The following PRKG1 variants were observed in gnomAD, a reference collection of about 807,000 sequenced individuals.
PRKG1 encodes cGMP-dependent protein kinase 1.
Under a neutral mutation model 88.1 loss-of-function variants are expected in PRKG1, and 35 were observed. The observed-to-expected ratio is 0.40, with a 90% CI of 0.30 to 0.53. PRKG1 has a LOEUF of 0.53. Among genes scored for constraint, PRKG1 ranks in the 20% least tolerant of loss-of-function variants. The probability of loss-of-function intolerance (pLI) is 0.59; values close to 1 mark genes in which losing one functional copy is unlikely to be tolerated. For missense variants in PRKG1, 540 were observed against 839.8 expected (o/e 0.64, Z 4.41); for synonymous variants, 303 against 292.5 (o/e 1.04, Z -0.37).
At chr10:51,328,782 T>C (rs1841656734) in intron 2 of PRKG1, among the ~76,000 whole-genome samples, 1 of 152,228 alleles carries the variant, frequency 6.6e-6, no homozygotes, top group South Asian at 2.1e-4. Context: ...CATTTTTTAA[T>C]ATACCTGTTG....
chr10:51,234,731 T>C (rs922241948), intron 2 of PRKG1, among the ~76,000 whole-genome samples: 28 of 152,198 alleles, frequency 1.8e-4, no homozygotes, highest in African/African-American at 5.3e-4. Flanking sequence ...TTTGTATTTT[T>C]TTCCTCAATT....
At position 52,173,096 on chromosome 10, in the gene PRKG1, C is replaced by A. The variant is rs1015692805; in HGVS notation, c.1076+11133C>A. Among the ~76,000 whole-genome samples, 7 of 152,268 alleles carry A rather than the reference C, an allele frequency of 4.6e-5. No homozygotes were observed. In the South Asian group the frequency reaches 1.4e-3, roughly 32 times the overall value. On this transcript the variant is annotated intron_variant, in intron 9 of 17. Coordinates refer to ENST00000373980, the MANE Select transcript of PRKG1 (RefSeq NM_006258.4). ...TTTTCTAAATTTATAATGAGGATAT[C>A]TCTCACTGTCAACAGAAAATAGGCT...
chr10:51,883,368 G>A (rs1241413478), intron 4 of PRKG1, among the ~76,000 whole-genome samples: 3 of 152,164 alleles, frequency 2.0e-5, no homozygotes, highest in African/African-American at 7.2e-5. Flanking sequence ...CTCTCAGTCT[G>A]TATAGACAAA....
At chr10:51,960,831 G>T (rs1179828457) in intron 5 of PRKG1, among the ~76,000 whole-genome samples, 1 of 152,126 alleles carries the variant, frequency 6.6e-6, no homozygotes, top group Non-Finnish European at 1.5e-5. Flanking sequence ...TCGTGGTTCT[G>T]CCAACAAAGA....
At chr10:51,012,922 G>A (rs1843011207) in intron 1 of PRKG1, among the ~76,000 whole-genome samples, 1 of 152,184 alleles carries the variant, frequency 6.6e-6, no homozygotes, top group African/African-American at 2.4e-5. Context: ...TTCTAACATT[G>A]GGAAATCACT....
chr10:51,905,211 A>G (rs1349038961), intron 4 of PRKG1, among the ~76,000 whole-genome samples: 1 of 152,136 alleles, frequency 6.6e-6, no homozygotes, highest in African/African-American at 2.4e-5. Context: ...GCTGAAATAG[A>G]CTGCCTTCTG....
rs77809504 is a variant in PRKG1 at position 51,200,837 on chromosome 10, A to G, written c.478+47507A>G. Among the ~76,000 whole-genome samples, 484 of 152,306 alleles carry G rather than the reference A, an allele frequency of 3.2e-3. 4 individuals are homozygous for G. Among genetic ancestry groups the G allele is most frequent in the African/African-American group, 0.011 (457 of 41,578 alleles). ...ATGGGTTTAATATGCTGCCTACTGA[A>G]ATATCATTTGTTCTTTTATTAATCA... On this transcript the variant is annotated intron_variant, in intron 2 of 17. Coordinates refer to ENST00000373980, the MANE Select transcript of PRKG1 (RefSeq NM_006258.4).
At chr10:51,025,212 A>G (rs1843189352) in intron 1 of PRKG1, among the ~76,000 whole-genome samples, 1 of 152,094 alleles carries the variant, frequency 6.6e-6, no homozygotes, top group Non-Finnish European at 1.5e-5. Context: ...ACAATTTCCT[A>G]TATAGTGAAA....
At chr10:51,312,285 G>A (rs1005743028) in intron 2 of PRKG1, among the ~76,000 whole-genome samples, 20 of 152,254 alleles carry the variant, frequency 1.3e-4, no homozygotes, top group African/African-American at 4.8e-4. Context: ...TCATTCACTG[G>A]CATCTATGAT....
intron 5 of PRKG1, among the ~76,000 whole-genome samples, chr10:51,912,983 T>C (rs6480581): frequency 0.25 from 38,174 of 152,082 alleles, 5,143 homozygotes; most frequent in East Asian, 0.5. Context: ...GGCTGGAGTG[T>C]AGTGGTGCGA....
intron 2 of PRKG1, among the ~76,000 whole-genome samples, chr10:51,213,036 T>C (rs971604826): frequency 2.0e-5 from 3 of 152,148 alleles, no homozygotes; most frequent in African/African-American, 7.2e-5. Flanking sequence ...TGCGGCACTA[T>C]TCACAATAGC....
At position 51,697,807 on chromosome 10, in the gene PRKG1, C is replaced by T. The variant is rs375748098; in HGVS notation, c.593-106778C>T. 9 of 1,614,074 alleles carry T rather than the reference C, an allele frequency of 5.6e-6. No individual in the cohort carries two copies. In the African/African-American group the frequency reaches 1.2e-4, roughly 22 times the overall value. On this transcript the variant is annotated intron_variant, in intron 3 of 17. Transcript: ENST00000373980. The stretch of plus-strand genomic sequence containing the variant: ...GATCTGCAGTCAGTTGAAGAACCTG[C>T]ATGATCAAAGCTGCCTTCTCCTGAT...
At chr10:51,063,454 T>C (rs544140221) in intron 1 of PRKG1, among the ~76,000 whole-genome samples, 21 of 152,198 alleles carry the variant, frequency 1.4e-4, no homozygotes, top group Non-Finnish European at 2.8e-4. Context: ...TGTAACATGA[T>C]GGTATTTGTG....
chr10:51,765,034 G>C (rs1360249299), intron 3 of PRKG1, among the ~76,000 whole-genome samples: 1 of 152,160 alleles, frequency 6.6e-6, no homozygotes, highest in African/African-American at 2.4e-5. Flanking sequence ...TTGTTTATAA[G>C]CTGCCCAACT....
chr10:51,054,580 G>A (rs548523081), intron 1 of PRKG1, among the ~76,000 whole-genome samples: 3 of 152,058 alleles, frequency 2.0e-5, no homozygotes, highest in Non-Finnish European at 1.5e-5. Context: ...ACCTTAGGGG[G>A]GTCAAATCCT....
chr10:51,520,211 A>G (rs1184358551), intron 3 of PRKG1, among the ~76,000 whole-genome samples: 5 of 150,694 alleles, frequency 3.3e-5, no homozygotes, highest in Admixed American at 1.3e-4. Context: ...TTTATATAAT[A>G]TATACAAATT....
chr10:52,027,682 C>A (rs758146986), intron 5 of PRKG1, among the ~76,000 whole-genome samples: 24 of 152,094 alleles, frequency 1.6e-4, no homozygotes, highest in Non-Finnish European at 2.6e-4. Context: ...AAATGTGTCC[C>A]TTAGTCTGGT....
intron 10 of PRKG1, among the ~76,000 whole-genome samples, chr10:52,266,800 G>T (rs1250612278): frequency 6.6e-6 from 1 of 151,860 alleles, no homozygotes; most frequent in Non-Finnish European, 1.5e-5. Context: ...AAAAGGTTGA[G>T]ATTGAAAAAA....
chr10:51,910,786 A>C (rs1483436986), intron 5 of PRKG1: 1 of 152,170 alleles, frequency 6.6e-6, no homozygotes, highest in Non-Finnish European at 1.5e-5. Context: ...GAGTGATTGT[A>C]ATGATTGACC....
Sources: gnomAD v4.1 joint callset for allele counts (sites outside exome capture counted in the v4.1 genomes callset) on GRCh38, gnomAD v4.1.1 for gene constraint, MANE v1.5 for transcripts, NCBI Gene and HGNC (gene_info 2026-07-23, HGNC 2026-07-21) for gene names.